IFRD1: variants seen among roughly 807,000 people sequenced by gnomAD.
The protein encoded by IFRD1 is interferon-related developmental regulator 1.
IFRD1 carries 35 observed loss-of-function variants against 52.9 expected under a neutral mutation model. The observed-to-expected ratio is 0.66, with a 90% CI of 0.51 to 0.88. The LOEUF (loss-of-function observed/expected upper bound fraction) is 0.88. Ranked by LOEUF, IFRD1 falls within the 40% of genes least tolerant of loss-of-function variation. The pLI is 0.00. For missense variants in IFRD1, 517 were observed against 550.8 expected, an observed-to-expected ratio of 0.94 and a Z score of 0.61; for synonymous variants, 184 against 188.4, an observed-to-expected ratio of 0.98 and a Z score of 0.19.
At chr7:112,463,853 T>TACACACACAC (rs72284919) in intron 8 of IFRD1, among the ~76,000 whole-genome samples, 12 of 43,454 alleles carry the variant, frequency 2.8e-4, no homozygotes, top group Admixed American at 1.5e-3. Context: ...CACATTTATA[T>TACACACACAC]ACACACACAC....
rs1248044362 is a variant in IFRD1 at position 112,463,890 on chromosome 7, A to C, written c.906+1512A>C. On this transcript the variant is annotated intron_variant, in intron 8 of 11. Transcript: ENST00000403825. ...CACACACACACACACACACACACAC[A>C]CACACCCCACGTATCTTTTCTCCAA... is the stretch of plus-strand genomic sequence containing the variant. Among the ~76,000 whole-genome samples, 7 of 22,084 alleles carry C rather than the reference A, an allele frequency of 3.2e-4. No individual in the cohort carries two copies. The South Asian group carries it at 5.4e-3, about 17-fold the overall frequency. The allele number at this position is 22,084 out of a possible 152,430, so 14.5% of individuals were successfully genotyped here. A position where few individuals can be genotyped will look rare whatever the true frequency, so the allele number is the denominator to read the frequency against.
intron 1 of IFRD1, among the ~76,000 whole-genome samples, chr7:112,454,991 C>T (rs748396359): frequency 1.3e-5 from 2 of 150,892 alleles, no homozygotes; most frequent in East Asian, 2.0e-4. Context: ...CTCAGCCTCC[C>T]GAGTAGCTGG....
chr7:112,433,296 G>T (rs1025029793), intron 1 of IFRD1, among the ~76,000 whole-genome samples: 2 of 152,168 alleles, frequency 1.3e-5, no homozygotes, highest in African/African-American at 4.8e-5. Context: ...GGAAAGTGGG[G>T]TGTGCTGATT....
rs567366274 is a variant in IFRD1 at position 112,475,445 on chromosome 7, G to T, written c.1282G>T (p.Ala428Ser). 1 of 1,607,486 alleles carries T rather than the reference G, an allele frequency of 6.2e-7. No individual in the cohort carries two copies. Among genetic ancestry groups the T allele is most frequent in the African/African-American group, 1.3e-5 (1 of 74,824 alleles). Residue 428 changes from alanine to serine, a missense_variant, in exon 12 of 12, where the codon GCA becomes TCA. By Grantham distance (99) the Ala-to-Ser change is moderately conservative. Coordinates refer to ENST00000403825, the MANE Select transcript of IFRD1 (RefSeq NM_001550.4). The stretch of plus-strand genomic sequence containing the variant: ...TTCATTTTAGCATTTATATAACTCT[G>T]CAGCCTTCAAAGCTCGAACCAAAGC... ...SRFERHLYNSAAFKARTKARS... is the reference protein window; with the variant it reads ...SRFERHLYNSSAFKARTKARS...
intron 1 of IFRD1, among the ~76,000 whole-genome samples, chr7:112,431,431 T>C (rs1365808066): frequency 6.6e-6 from 1 of 152,206 alleles, no homozygotes; most frequent in Non-Finnish European, 1.5e-5. Flanking sequence ...TTGGAGAACA[T>C]GAATGACATG....
intron 5 of IFRD1, among the ~76,000 whole-genome samples, chr7:112,459,986 T>C (rs1296749126): frequency 6.6e-6 from 1 of 152,234 alleles, no homozygotes; most frequent in African/African-American, 2.4e-5. Flanking sequence ...ACTTAACTTT[T>C]TCTTTTCTTC....
chr7:112,429,605 T>C (rs1252583444), intron 1 of IFRD1, among the ~76,000 whole-genome samples: 3 of 152,206 alleles, frequency 2.0e-5, no homozygotes, highest in Non-Finnish European at 4.4e-5. Flanking sequence ...GTATGAAAAA[T>C]CTAATTTTAC....
At chr7:112,435,381 G>T (rs749248702) in intron 1 of IFRD1, 2 of 152,192 alleles carry the variant, frequency 1.3e-5, no homozygotes, top group African/African-American at 4.8e-5. Flanking sequence ...ACCTCTAAAT[G>T]GTTCCCTTAT....
At chr7:112,424,950 G>C (rs559346426) in intron 1 of IFRD1, among the ~76,000 whole-genome samples, 1 of 152,254 alleles carries the variant, frequency 6.6e-6, no homozygotes, top group East Asian at 1.9e-4. Flanking sequence ...AATGCTCCAT[G>C]TGCTGATGAA....
chr7:112,468,501 C>CATTT (rs1223089658), intron 9 of IFRD1, among the ~76,000 whole-genome samples: 2 of 151,872 alleles, frequency 1.3e-5, no homozygotes, highest in Admixed American at 1.3e-4. Flanking sequence ...GCTTGATTGT[C>CATTT]ATTTATTTAT....
At chr7:112,451,468 G>C (rs562397033) in intron 1 of IFRD1, among the ~76,000 whole-genome samples, 12 of 152,186 alleles carry the variant, frequency 7.9e-5, no homozygotes, top group Non-Finnish European at 1.6e-4. Flanking sequence ...CCTGCTCACG[G>C]GGGGAAGAAA....
intron 8 of IFRD1, among the ~76,000 whole-genome samples, chr7:112,466,788 G>A (rs1178115584): frequency 6.6e-6 from 1 of 152,140 alleles, no homozygotes; most frequent in South Asian, 2.1e-4. Context: ...CCAATAAAAT[G>A]AGTAGGAGAC....
intron 1 of IFRD1, among the ~76,000 whole-genome samples, chr7:112,452,906 T>A (rs1162496000): frequency 6.6e-6 from 1 of 152,250 alleles, no homozygotes; most frequent in Non-Finnish European, 1.5e-5. Flanking sequence ...TAGAACTTGT[T>A]AACTGTGGTT....
At chr7:112,465,603 T>A (rs1052802005) in intron 8 of IFRD1, among the ~76,000 whole-genome samples, 6 of 152,202 alleles carry the variant, frequency 3.9e-5, no homozygotes, top group Non-Finnish European at 7.3e-5. Context: ...GTGTTTTATA[T>A]ATTTCTAATA....
chr7:112,449,442 T>C (rs1795096159), upstream of IFRD1, among the ~76,000 whole-genome samples: 1 of 152,160 alleles, frequency 6.6e-6, no homozygotes. Flanking sequence ...GGAAATTTGC[T>C]ACAGGCAATT....
In IFRD1 at chr7:112,461,854, T is replaced by TA. The variant is rs1795446198; in HGVS notation, c.568-12_568-11insA. 555 of 1,192,672 alleles carry TA rather than the reference T, an allele frequency of 4.7e-4. 2 individuals are homozygous for TA. The highest frequency in any genetic ancestry group is 5.9e-4 in the Non-Finnish European group (503 of 858,798). 73.9% of individuals were successfully genotyped at this position (1,192,672 alleles called of 1,614,324 possible). A position where few individuals can be genotyped will look rare whatever the true frequency, so the allele number is the denominator to read the frequency against. ...ATCATTAATGTCTATATATATATAT[T>TA]TTTTTTTTTAGTGTGCAACTTGCTT... is the stretch of plus-strand genomic sequence containing the variant. On this transcript the variant is annotated splice_polypyrimidine_tract_variant and intron_variant, in intron 5 of 11. Transcript: ENST00000403825.
Position 112,476,908 on chromosome 7 carries a change from C to T in IFRD1, c.*1389C>T, listed in dbSNP as rs1179283288. 1 of 152,066 alleles carries T rather than the reference C, an allele frequency of 6.6e-6. No homozygotes were observed. Among genetic ancestry groups the T allele is most frequent in the Non-Finnish European group, 1.5e-5 (1 of 68,022 alleles). The allele number at this position is 152,066 out of a possible 1,614,324, so 9.4% of individuals were successfully genotyped here. ...AAGGTCTTTTTTCCAAACTAGTGTTCCCCTCCCACATCCCAACAACTCTTG... is the reference window on the plus strand; with the variant it reads ...AAGGTCTTTTTTCCAAACTAGTGTTTCCCTCCCACATCCCAACAACTCTTG... On this transcript the variant is annotated 3_prime_UTR_variant, in exon 12 of 12. Transcript: ENST00000403825.
intron 9 of IFRD1, among the ~76,000 whole-genome samples, chr7:112,471,565 A>G (rs777331431): frequency 3.3e-5 from 5 of 151,808 alleles, no homozygotes; most frequent in Non-Finnish European, 1.5e-5. Context: ...AAGTTCTGCC[A>G]CTATTCCAGC....
At position 112,462,283 on chromosome 7, in the gene IFRD1, C is replaced by A; in HGVS notation, c.811C>A (p.Leu271Ile). 4.3e-6 allele frequency: 7 copies of A among 1,613,426 alleles called. No homozygotes were observed. Among genetic ancestry groups the A allele is most frequent in the Non-Finnish European group, 5.9e-6 (7 of 1,179,498 alleles). ...ACTATTTTTTAGGCATTTCCATAAG[C>A]TTCCAAGCCTCCTCTCTTGTGATGA... ...KKKLEMHFHK[L>I]PSLLSCDDVN... is the part of the protein sequence containing the mutation. The change falls in exon 8 of 12, where the codon CTT becomes ATT. Residue 271 changes from leucine (L) to isoleucine (I), a missense_variant. Coordinates refer to ENST00000403825, the MANE Select transcript of IFRD1 (RefSeq NM_001550.4).
Sources: allele counts gnomAD v4.1 joint callset (sites outside exome capture counted in the v4.1 genomes callset), GRCh38; gene constraint gnomAD v4.1.1; transcripts MANE v1.5; gene names NCBI Gene and HGNC (gene_info 2026-07-23, HGNC 2026-07-21).